The following CHRM3 variants were observed in gnomAD, a reference collection of about 807,000 sequenced individuals.
The protein encoded by CHRM3 is cholinergic receptor muscarinic 3, also known as muscarinic acetylcholine receptor M3.
CHRM3 carries 11 observed loss-of-function variants against 41.8 expected under a neutral mutation model. The ratio of observed to expected loss-of-function variants is 0.26; its 90% CI spans 0.17 to 0.44. The LOEUF (loss-of-function observed/expected upper bound fraction) is 0.44, where lower values mean the gene tolerates loss of function less well. CHRM3 is among the 20% of genes least tolerant of loss of function. The pLI, the probability that CHRM3 is intolerant of heterozygous loss-of-function variation, is 1.00. For synonymous variants in CHRM3, 297 were observed against 301.4 expected (o/e 0.99, Z 0.15); for missense variants, 571 against 745.4 (o/e 0.77, Z 2.72).
chr1:239,576,369 G>A (rs1457198451), intron 3 of CHRM3, among the ~76,000 whole-genome samples: 1 of 152,030 alleles, frequency 6.6e-6, no homozygotes, highest in African/African-American at 2.4e-5. Flanking sequence ...TGACAAGAGA[G>A]CATTAGCATG....
chr1:239,523,285 A>G (rs1018924924), intron 2 of CHRM3, among the ~76,000 whole-genome samples: 2 of 152,168 alleles, frequency 1.3e-5, no homozygotes, highest in Non-Finnish European at 2.9e-5. Flanking sequence ...AGAAATTACC[A>G]TTCTACCTCA....
chr1:239,877,763 C>A (rs2102847678), intron 6 of CHRM3, among the ~76,000 whole-genome samples: 1 of 152,166 alleles, frequency 6.6e-6, no homozygotes, highest in Admixed American at 6.5e-5. Context: ...ATGCCATATC[C>A]AGCAGTCCCC....
intron 2 of CHRM3, among the ~76,000 whole-genome samples, chr1:239,526,677 G>A (rs183991598): frequency 1.1e-3 from 174 of 152,202 alleles, no homozygotes; most frequent in Non-Finnish European, 1.7e-3. Flanking sequence ...CTGGATTAGC[G>A]AAAAAGAGCT....
chr1:239,613,676 A>AC (rs1402407744), intron 3 of CHRM3, among the ~76,000 whole-genome samples: 2 of 152,164 alleles, frequency 1.3e-5, no homozygotes, highest in African/African-American at 4.8e-5. Context: ...GTGTATGTGT[A>AC]CCTGTCTTTG....
intron 3 of CHRM3, among the ~76,000 whole-genome samples, chr1:239,618,966 G>A (rs999042108): frequency 6.6e-5 from 10 of 150,654 alleles, no homozygotes; most frequent in Admixed American, 1.3e-4. Flanking sequence ...CCAGGCTGGA[G>A]TGCAGTGGCG....
chr1:239,887,062 C>T (rs1678133654), intron 6 of CHRM3, among the ~76,000 whole-genome samples: 1 of 152,130 alleles, frequency 6.6e-6, no homozygotes, highest in African/African-American at 2.4e-5. Context: ...CTCGTGTTTC[C>T]AGCTGGGCTC....
intron 4 of CHRM3, among the ~76,000 whole-genome samples, chr1:239,633,030 T>G (rs1336932764): frequency 3.9e-5 from 6 of 152,222 alleles, no homozygotes; most frequent in African/African-American, 9.6e-5. Flanking sequence ...TGGAGTGCAG[T>G]GGCGCCATCT....
chr1:239,488,955 T>G (rs2148049979), intron 1 of CHRM3, among the ~76,000 whole-genome samples: 1 of 152,280 alleles, frequency 6.6e-6, no homozygotes, highest in South Asian at 2.1e-4. Context: ...GGAGAACGTT[T>G]GGGAAGGTTT....
chr1:239,856,627 A>G (rs1012592785), intron 6 of CHRM3, among the ~76,000 whole-genome samples: 1 of 152,162 alleles, frequency 6.6e-6, no homozygotes, highest in Non-Finnish European at 1.5e-5. Context: ...AGAATGGACT[A>G]ATACAGATGG....
chr1:239,571,117 A>T (rs1171179082), intron 3 of CHRM3, among the ~76,000 whole-genome samples: 1 of 152,014 alleles, frequency 6.6e-6, no homozygotes, highest in Non-Finnish European at 1.5e-5. Flanking sequence ...GGATAACCCG[A>T]ATCTACCCAG....
At chr1:239,642,884 A>T (rs564251344) in intron 4 of CHRM3, among the ~76,000 whole-genome samples, 2 of 151,832 alleles carry the variant, frequency 1.3e-5, no homozygotes, top group Non-Finnish European at 2.9e-5. Context: ...TTTTTTCCCC[A>T]TCTTTGTGGT....
intron 3 of CHRM3, among the ~76,000 whole-genome samples, chr1:239,609,530 G>A (rs1292951019): frequency 6.6e-6 from 1 of 152,174 alleles, no homozygotes; most frequent in Non-Finnish European, 1.5e-5. Context: ...ATGTCTGGTT[G>A]TATGGTAGGT....
intron 5 of CHRM3, among the ~76,000 whole-genome samples, chr1:239,713,564 A>G (rs921568164): frequency 2.6e-5 from 4 of 152,164 alleles, no homozygotes; most frequent in Non-Finnish European, 4.4e-5. Context: ...TTCTTCTACA[A>G]TTTGCACAAA....
At chr1:239,433,210 T>G (rs980188468) in intron 1 of CHRM3, among the ~76,000 whole-genome samples, 4 of 152,326 alleles carry the variant, frequency 2.6e-5, no homozygotes, top group African/African-American at 4.8e-5. Context: ...AGTCTCACAT[T>G]AGATACTAGA....
intron 1 of CHRM3, among the ~76,000 whole-genome samples, chr1:239,467,599 C>T (rs140522998): frequency 3.9e-5 from 6 of 152,218 alleles, no homozygotes; most frequent in South Asian, 2.1e-4. Flanking sequence ...CGTGCCCGGC[C>T]GCCTCGAGTT....
chr1:239,596,068 C>A (rs1239723149), intron 3 of CHRM3, among the ~76,000 whole-genome samples: 1 of 152,130 alleles, frequency 6.6e-6, no homozygotes, highest in Non-Finnish European at 1.5e-5. Context: ...AAAGTTTGAG[C>A]AATTTTATAC....
At chr1:239,590,303 G>T (rs1663980280) in intron 3 of CHRM3, among the ~76,000 whole-genome samples, 1 of 152,112 alleles carries the variant, frequency 6.6e-6, no homozygotes, top group Non-Finnish European at 1.5e-5. Context: ...TTAAAAATAT[G>T]TTAAATGCCC....
At chr1:239,458,916 G>C (rs1032929446) in intron 1 of CHRM3, among the ~76,000 whole-genome samples, 1 of 152,098 alleles carries the variant, frequency 6.6e-6, no homozygotes, top group Non-Finnish European at 1.5e-5. Flanking sequence ...GAACTCTTCC[G>C]GCTACTTGCA....
chr1:239,387,800 T>A lies in CHRM3; in HGVS notation c.-521+573T>A, dbSNP rs75533706. Among the ~76,000 whole-genome samples, 7,238 of 152,202 alleles carry A rather than the reference T, an allele frequency of 0.048. 298 individuals carry two copies. Among genetic ancestry groups the A allele is most frequent in the East Asian group, 0.22 (1,121 of 5,142 alleles). On this transcript the variant is annotated intron_variant, in intron 1 of 6. Transcript: ENST00000676153. The surrounding 1 kb of genome is among the most constrained non-coding windows in gnomAD (Gnocchi z 5.1). ...CATTTCAGGGGGCGAGAAGGCAAAT[T>A]TGGCACTTCGAGTAACACTTGGGCG...
Sources: gnomAD v4.1 joint callset for allele counts (sites outside exome capture counted in the v4.1 genomes callset) on GRCh38, gnomAD v4.1.1 for gene constraint, Gnocchi (gnomAD v3.1) non-coding constraint, MANE v1.5 for transcripts, NCBI Gene and HGNC (gene_info 2026-07-23, HGNC 2026-07-21) for gene names.